Variants in DHRSX observed in about 807,000 individuals in gnomAD.
The protein encoded by DHRSX is polyprenol dehydrogenase.
In DHRSX, 31 loss-of-function variants were observed where a neutral mutation model predicts 34.0. The ratio of observed to expected loss-of-function variants is 0.91; its 90% CI spans 0.69 to 1.23. The LOEUF is 1.23. DHRSX is among the 50% of genes most tolerant of loss of function. DHRSX has a pLI of 0.00. For synonymous variants in DHRSX, 201 were observed against 183.8 expected (o/e 1.09, Z -0.76); for missense variants, 414 against 428.1 (o/e 0.97, Z 0.29).
chrX:2,400,709 C>T (rs183214946), intron 3 of DHRSX, among the ~76,000 whole-genome samples: 3 of 152,262 alleles, frequency 2.0e-5, no homozygotes, highest in Admixed American at 6.5e-5. Context: ...GCACGTGGAA[C>T]GGGTCACAAA....
intron 4 of DHRSX, among the ~76,000 whole-genome samples, chrX:2,289,508 A>C (rs2041842726): frequency 6.6e-6 from 1 of 152,176 alleles, no homozygotes; most frequent in Non-Finnish European, 1.5e-5. Flanking sequence ...GAGGATGGAC[A>C]GTTCTGTTTT....
intron 1 of DHRSX, among the ~76,000 whole-genome samples, chrX:2,493,501 G>A (rs1436993620): frequency 6.6e-6 from 1 of 150,874 alleles, no homozygotes; most frequent in Non-Finnish European, 1.5e-5. Context: ...GGCTGAAAGC[G>A]GTTCTGGAAC....
At chrX:2,468,429 AG>A (rs1258995238) in intron 1 of DHRSX, among the ~76,000 whole-genome samples, 1 of 147,936 alleles carries the variant, frequency 6.8e-6, no homozygotes, top group East Asian at 2.1e-4. Context: ...ATACCACATA[AG>A]AGTCAGAGAC....
rs1569483508 is a variant in DHRSX at position 2,282,796 on chromosome X, A to AGAG, written c.388+8705_388+8706insCTC. Among the ~76,000 whole-genome samples, 106 of 47,524 alleles carry AGAG rather than the reference A, an allele frequency of 2.2e-3. 1 individual carries two copies. The highest frequency in any genetic ancestry group is 8.3e-3 in the African/African-American group (99 of 11,862). The allele number at this position is 47,524 out of a possible 152,430, so 31.2% of individuals were successfully genotyped here. On this transcript the variant is annotated intron_variant, in intron 4 of 6. Coordinates refer to ENST00000334651, the MANE Select transcript of DHRSX (RefSeq NM_145177.3). ...AGGGAGGGAGGGGGAGAGAGAGAAG[A>AGAG]AAGAGAGAAGAGAGAAAGAGAGAGA... is the stretch of plus-strand genomic sequence containing the variant.
chrX:2,474,216 A>G (rs904483895), intron 1 of DHRSX, among the ~76,000 whole-genome samples: 3 of 152,090 alleles, frequency 2.0e-5, no homozygotes, highest in Non-Finnish European at 4.4e-5. Context: ...GAATGTGGAC[A>G]AGGGACTGCC....
At chrX:2,264,208 G>A (rs2041405264) in intron 5 of DHRSX, among the ~76,000 whole-genome samples, 1 of 152,130 alleles carries the variant, frequency 6.6e-6, no homozygotes, top group Middle Eastern at 3.2e-3. Context: ...CATTTCCAGA[G>A]CACATGTGCC....
intron 2 of DHRSX, among the ~76,000 whole-genome samples, chrX:2,412,993 G>T (rs182989870): frequency 6.6e-6 from 1 of 152,212 alleles, no homozygotes; most frequent in East Asian, 1.9e-4. Context: ...TCAAGAGATC[G>T]AGACCATCCT....
intron 3 of DHRSX, among the ~76,000 whole-genome samples, chrX:2,371,360 C>CCGTTA (rs2043061347): frequency 2.3e-5 from 3 of 130,892 alleles, no homozygotes; most frequent in Admixed American, 1.5e-4. Flanking sequence ...AGTCCCTCCT[C>CCGTTA]CCATTACTAT....
At chrX:2,231,240 T>C (rs1602762790) in intron 6 of DHRSX, among the ~76,000 whole-genome samples, 1 of 151,994 alleles carries the variant, frequency 6.6e-6, no homozygotes, top group Non-Finnish European at 1.5e-5. Context: ...ATCACAGACA[T>C]ACCCTGTGGA....
intron 1 of DHRSX, among the ~76,000 whole-genome samples, chrX:2,472,433 T>G (rs1267933942): frequency 6.6e-6 from 1 of 152,080 alleles, no homozygotes; most frequent in African/African-American, 2.4e-5. Context: ...CCCCAGGACA[T>G]GCAATTTACC....
chrX:2,458,638 C>T (rs1395764634), intron 1 of DHRSX, among the ~76,000 whole-genome samples: 5 of 151,598 alleles, frequency 3.3e-5, no homozygotes, highest in Non-Finnish European at 5.9e-5. Context: ...AACGCATAAA[C>T]GCAGAGAGTG....
chrX:2,260,227 G>A (rs375606533), intron 5 of DHRSX, among the ~76,000 whole-genome samples: 5 of 151,910 alleles, frequency 3.3e-5, no homozygotes, highest in South Asian at 2.1e-4. Flanking sequence ...GAGTGGGGTC[G>A]GAATAGTTAA....
At chrX:2,489,132 T>C (rs2045045472) in intron 1 of DHRSX, 2 of 1,613,606 alleles carry the variant, frequency 1.2e-6, no homozygotes, top group Admixed American at 3.3e-5. Context: ...ATGAGCTTCT[T>C]GACGGGAGGC....
intron 3 of DHRSX, among the ~76,000 whole-genome samples, chrX:2,317,752 C>T (rs941514473): frequency 2.0e-5 from 3 of 152,102 alleles, no homozygotes; most frequent in Admixed American, 6.6e-5. Context: ...GTCAATCACG[C>T]GTTCATTTCA....
At chrX:2,292,010 GATTAC>G (rs1346144324) in intron 3 of DHRSX, among the ~76,000 whole-genome samples, 3 of 151,318 alleles carry the variant, frequency 2.0e-5, no homozygotes, top group East Asian at 1.9e-4. Context: ...AAAGTGCTGG[GATTAC>G]AGGCGTGAGC....
chrX:2,449,352 C>T (rs1458660021), intron 1 of DHRSX, among the ~76,000 whole-genome samples: 1 of 152,168 alleles, frequency 6.6e-6, no homozygotes, highest in Non-Finnish European at 1.5e-5. Flanking sequence ...CCCTAACACA[C>T]ACCATGGCAG....
chrX:2,455,539 C>T (rs1352793806), intron 1 of DHRSX, among the ~76,000 whole-genome samples: 2 of 151,814 alleles, frequency 1.3e-5, no homozygotes, highest in African/African-American at 4.8e-5. Context: ...GCCAGGAGTT[C>T]GAGACCACCC....
Position 2,393,554 on chromosome X carries a change from CGG to C in DHRSX, c.286+15189_286+15190del, listed in dbSNP as rs1452217530. ...CGACACACAGGGACCTCCCTGTCTC[CGG>C]CGCACACAGGACACCCAGGGACCTC... On this transcript the variant is annotated intron_variant, in intron 3 of 6. Transcript: ENST00000334651. Among the ~76,000 whole-genome samples, 926 of 141,556 alleles carry C rather than the reference CGG, an allele frequency of 6.5e-3. 7 individuals carry two copies. The highest frequency in any genetic ancestry group is 0.011 in the Non-Finnish European group (700 of 62,718). The allele number at this position is 141,556 out of a possible 152,430, so 92.9% of individuals were successfully genotyped here.
At chrX:2,326,546 C>G (rs140116258) in intron 3 of DHRSX, among the ~76,000 whole-genome samples, 213 of 152,140 alleles carry the variant, frequency 1.4e-3, no homozygotes, top group African/African-American at 4.7e-3. Flanking sequence ...AACAGAAAAA[C>G]TTCTGGGGGC....
Sources: allele counts gnomAD v4.1 joint callset (sites outside exome capture counted in the v4.1 genomes callset), GRCh38; gene constraint gnomAD v4.1.1; transcripts MANE v1.5; gene names NCBI Gene and HGNC (gene_info 2026-07-23, HGNC 2026-07-21).